The following NFKB2 variants were observed in gnomAD, a reference collection of about 807,000 sequenced individuals.
NFKB2 encodes nuclear factor NF-kappa-B p100 subunit.
A neutral mutation model predicts 109.3 loss-of-function variants in NFKB2; 21 were observed. The ratio of observed to expected loss-of-function variants is 0.19; its 90% CI spans 0.14 to 0.28. NFKB2 has a LOEUF of 0.28. Among genes scored for constraint, NFKB2 ranks in the 10% least tolerant of loss-of-function variants. The probability of loss-of-function intolerance (pLI) is 1.00; values close to 1 mark genes in which losing one functional copy is unlikely to be tolerated. For synonymous variants in NFKB2, 478 were observed against 489.9 expected (o/e 0.98, Z 0.32); for missense variants, 806 against 1,185.3 (o/e 0.68, Z 4.70).
At chr10:102,394,190 G>A (rs565010281), upstream of NFKB2, 5 of 152,408 alleles carry the variant, frequency 3.3e-5, no homozygotes, top group East Asian at 9.6e-4. Context: ...TTCCCCCTGG[G>A]GATCCCCCGC....
Position 102,396,067 on chromosome 10 carries a change from C to A in NFKB2, c.21+87C>A. On this transcript the variant is annotated intron_variant, in intron 2 of 22. Transcript: ENST00000661543. This position sits in a 1 kb window ranked among gnomAD's most constrained non-coding sequence, Gnocchi z 5.9. ...CCCGAGCCCCCTCTGCTGCCTTACA[C>A]CTGTATGCTCGCAGATGCTCTCAGC... is the stretch of plus-strand genomic sequence containing the variant. 6.4e-7 allele frequency: 1 copy of A among 1,557,902 alleles called. No individual in the cohort carries two copies. Among genetic ancestry groups the A allele is most frequent in the Non-Finnish European group, 8.8e-7 (1 of 1,133,916 alleles).
In NFKB2 at chr10:102,396,840, C is replaced by T; in HGVS notation, c.243+17C>T. ...ACTGTCAAGGTGAGCCAGGATGGTG[C>T]TGGAGGGTGGGCTAAGTGGACAGCA... On this transcript the variant is annotated intron_variant, in intron 5 of 22. Coordinates refer to ENST00000661543, the MANE Select transcript of NFKB2 (RefSeq NM_001322934.2). The surrounding 1 kb of genome is among the most constrained non-coding windows in gnomAD (Gnocchi z 5.9). 3 of 1,606,446 alleles carry T rather than the reference C, an allele frequency of 1.9e-6. No individual in the cohort carries two copies. Among genetic ancestry groups the T allele is most frequent in the Middle Eastern group, 1.7e-4 (1 of 6,036 alleles).
Position 102,402,094 on chromosome 10 carries a change from T to C in NFKB2, c.2513T>C (p.Met838Thr). 6.3e-7 allele frequency: 1 copy of C among 1,578,402 alleles called. No homozygotes were observed. The highest frequency in any genetic ancestry group is 8.6e-7 in the Non-Finnish European group (1 of 1,161,676). Residue 838 changes from methionine to threonine, a missense_variant, in exon 22 of 23, where the codon ATG becomes ACG. Around this residue, in one of 10 missense-constraint regions of NFKB2, gnomAD observed 211 missense variants for 268.7 expected, o/e 0.79. Transcript: ENST00000661543. ...GGTCTACTGGAGGCCCTGTCTGACA[T>C]GGGCCTAGAGGAGGGAGTGAGGCTG... ...LAGLLEALSD[M>T]GLEEGVRLLR... is the part of the protein sequence containing the mutation.
chr10:102,398,609 A>T lies in NFKB2; in HGVS notation c.991+86A>T. The T allele has an allele frequency of 6.2e-7, 1 of 1,610,144 alleles. No homozygotes were observed. The highest frequency in any genetic ancestry group is 1.1e-5 in the South Asian group (1 of 90,726). ...TCCCAAGAGCTAGATGTGGGGATGC[A>T]TGAGCCAAGTCAGAAGTGCGAGGGT... On this transcript the variant is annotated intron_variant, in intron 11 of 22. Coordinates refer to ENST00000661543, the MANE Select transcript of NFKB2 (RefSeq NM_001322934.2). This position sits in a 1 kb window ranked among gnomAD's most constrained non-coding sequence, Gnocchi z 6.6.
In NFKB2 at chr10:102,401,313, C is replaced by T. The variant is rs2061240745; in HGVS notation, c.2205C>T (p.Asp735=). 4 of 1,607,778 alleles carry T rather than the reference C, an allele frequency of 2.5e-6. No individual in the cohort carries two copies. Among genetic ancestry groups the T allele is most frequent in the Admixed American group, 1.7e-5 (1 of 59,510 alleles). The change falls in exon 19 of 23, where the codon GAC becomes GAT. Residue 735 remains aspartate, a synonymous_variant. Coordinates refer to ENST00000661543, the MANE Select transcript of NFKB2 (RefSeq NM_001322934.2). This position sits in a 1 kb window ranked among gnomAD's most constrained non-coding sequence, Gnocchi z 4.2. ...RSSFRGHTPL[D]LTCSTKVKTL... is the part of the protein sequence containing the mutation. ...GCTTCCGGGGCCACACGCCTCTTGA[C>T]CTCACTTGCAGCACCAAGGTGAGGC... is the stretch of plus-strand genomic sequence containing the variant.
Position 102,400,250 on chromosome 10 carries a change from G to C in NFKB2, c.1585-28G>C. On this transcript the variant is annotated intron_variant, in intron 15 of 22. Coordinates refer to ENST00000661543, the MANE Select transcript of NFKB2 (RefSeq NM_001322934.2). The surrounding 1 kb of genome is among the most constrained non-coding windows in gnomAD (Gnocchi z 6.3). ...GGGTTGGAAGGCAAGTGGGTCTCGG[G>C]CCTGGCTCACCCTGCTTTCATCCCC... 1.9e-6 allele frequency: 3 copies of C among 1,613,986 alleles called. No individual in the cohort carries two copies. The highest frequency in any genetic ancestry group is 2.5e-6 in the Non-Finnish European group (3 of 1,179,992).
Position 102,401,214 on chromosome 10 carries a change from G to A in NFKB2, c.2106G>A (p.Leu702=), listed in dbSNP as rs765756267. The part of the protein sequence containing the change: ...ADIHAENEEP[L]CPLPSPPTSD... ...TCCATGCTGAAAACGAGGAGCCCCTGTGCCCACTGCCTTCACCCCCTACCT... is the reference window on the plus strand; with the variant it reads ...TCCATGCTGAAAACGAGGAGCCCCTATGCCCACTGCCTTCACCCCCTACCT... The change falls in exon 19 of 23, where the codon CTG becomes CTA. Residue 702 remains leucine (L), a synonymous_variant. Coordinates refer to ENST00000661543, the MANE Select transcript of NFKB2 (RefSeq NM_001322934.2). The surrounding 1 kb of genome is among the most constrained non-coding windows in gnomAD (Gnocchi z 4.2). The A allele has an allele frequency of 1.2e-6, 2 of 1,606,084 alleles. No homozygotes were observed. The highest frequency in any genetic ancestry group is 1.1e-5 in the South Asian group (1 of 90,128).
Position 102,398,890 on chromosome 10 carries a change from G to A in NFKB2, c.1117+26G>A, listed in dbSNP as rs752957028. 8.9e-6 allele frequency: 14 copies of A among 1,578,240 alleles called. No homozygotes were observed. Among genetic ancestry groups the A allele is most frequent in the South Asian group, 3.6e-5 (3 of 84,082 alleles). On this transcript the variant is annotated intron_variant, in intron 12 of 22. Coordinates refer to ENST00000661543, the MANE Select transcript of NFKB2 (RefSeq NM_001322934.2). This position sits in a 1 kb window ranked among gnomAD's most constrained non-coding sequence, Gnocchi z 6.6. Reference sequence around the variant, plus strand: ...GTGAGGGGGTACTGATGGAGGGAGGGGTAAAGGTAAGAGAAGCTGTGGAGG... The same window carrying A: ...GTGAGGGGGTACTGATGGAGGGAGGAGTAAAGGTAAGAGAAGCTGTGGAGG...
chr10:102,395,218 CCGAGG>C (rs928032844), upstream of NFKB2, among the ~76,000 whole-genome samples: 14 of 151,562 alleles, frequency 9.2e-5, no homozygotes, highest in Admixed American at 7.9e-4. Context: ...AGAGCCCACT[CCGAGG>C]AGGAGACACT....
In NFKB2 at chr10:102,398,166, A is replaced by AGAGATTCCACCGGGAGCTGTGGCC. The variant is rs1565206770; in HGVS notation, c.767-45_767-22dup. ...GGGAAGCTCTAGGGTAAATGGCCCC[A>AGAGATTCCACCGGGAGCTGTGGCC]GAGATTCCACCGGGAGCTGTGGCCA... is the stretch of plus-strand genomic sequence containing the variant. On this transcript the variant is annotated intron_variant, in intron 9 of 22. Transcript: ENST00000661543. The surrounding 1 kb of genome is among the most constrained non-coding windows in gnomAD (Gnocchi z 6.6). 1 of 1,612,808 alleles carries AGAGATTCCACCGGGAGCTGTGGCC rather than the reference A, an allele frequency of 6.2e-7. No individual in the cohort carries two copies. Among genetic ancestry groups the AGAGATTCCACCGGGAGCTGTGGCC allele is most frequent in the East Asian group, 2.2e-5 (1 of 44,876 alleles).
At position 102,398,277 on chromosome 10, in the gene NFKB2, C is replaced by T; in HGVS notation, c.832C>T (p.Pro278Ser). Reference sequence around the variant, plus strand: ...ATGGCAGGCCTTTGGGGACTTCTCTCCCACAGATGTGCATAAACAGGTACC... The same window carrying T: ...ATGGCAGGCCTTTGGGGACTTCTCTTCCACAGATGTGCATAAACAGGTACC... ...NGWQAFGDFSPTDVHKQYAIV... is the reference protein window; with the variant it reads ...NGWQAFGDFSSTDVHKQYAIV... The change falls in exon 10 of 23, where the codon CCC becomes TCC. Residue 278 changes from proline (P) to serine (S), a missense_variant. Pro to Ser is a moderately conservative substitution (Grantham distance 74). Coordinates refer to ENST00000661543, the MANE Select transcript of NFKB2 (RefSeq NM_001322934.2). The surrounding 1 kb of genome is among the most constrained non-coding windows in gnomAD (Gnocchi z 6.6). The T allele has an allele frequency of 6.2e-7, 1 of 1,614,170 alleles. No individual in the cohort carries two copies. Among genetic ancestry groups the T allele is most frequent in the Non-Finnish European group, 8.5e-7 (1 of 1,180,024 alleles).
upstream of NFKB2, chr10:102,394,148 G>A (rs1394936827): frequency 6.6e-6 from 1 of 152,308 alleles, no homozygotes; most frequent in Non-Finnish European, 1.5e-5. Context: ...GCGCCGCTCA[G>A]GGTGGGGGCC....
chr10:102,401,127 G>A lies in NFKB2; in HGVS notation c.2072-53G>A. 13 of 1,606,448 alleles carry A rather than the reference G, an allele frequency of 8.1e-6. No homozygotes were observed. The highest frequency in any genetic ancestry group is 1.0e-5 in the Non-Finnish European group (12 of 1,174,386). ...TGCCTCCCAGTCCCCCGACTTTGCAGTCCTTAATGTAGGCCCCCACCATAC... is the reference window on the plus strand; with the variant it reads ...TGCCTCCCAGTCCCCCGACTTTGCAATCCTTAATGTAGGCCCCCACCATAC... On this transcript the variant is annotated intron_variant, in intron 18 of 22. Transcript: ENST00000661543. The surrounding 1 kb of genome is among the most constrained non-coding windows in gnomAD (Gnocchi z 4.2).
In NFKB2 at chr10:102,396,111, G is replaced by C; in HGVS notation, c.21+131G>C. 6.8e-7 allele frequency: 1 copy of C among 1,468,548 alleles called. No individual in the cohort carries two copies. Among genetic ancestry groups the C allele is most frequent in the Non-Finnish European group, 9.5e-7 (1 of 1,056,284 alleles). 91.0% of individuals were successfully genotyped at this position (1,468,548 alleles called of 1,614,324 possible). A position where few individuals can be genotyped will look rare whatever the true frequency, so the allele number is the denominator to read the frequency against. ...TCTCAGCCTGCCAGTCTGTCCATCTGTCTGCAACTCTGCCTCCAAAAGGAG... is the reference window on the plus strand; with the variant it reads ...TCTCAGCCTGCCAGTCTGTCCATCTCTCTGCAACTCTGCCTCCAAAAGGAG... On this transcript the variant is annotated intron_variant, in intron 2 of 22. Transcript: ENST00000661543. The surrounding 1 kb of genome is among the most constrained non-coding windows in gnomAD (Gnocchi z 5.9).
rs771498981 is a variant in NFKB2, at chr10:102,401,195, C to G, written c.2087C>G (p.Ala696Gly). Reference sequence around the variant, plus strand: ...CCTCTCCCAGGTGCTGACATCCATGCTGAAAACGAGGAGCCCCTGTGCCCA... The same window carrying G: ...CCTCTCCCAGGTGCTGACATCCATGGTGAAAACGAGGAGCCCCTGTGCCCA... ...LLLKAGADIH[A>G]ENEEPLCPLP... The change falls in exon 19 of 23, where the codon GCT (alanine) becomes GGT (glycine). Residue 696 changes from alanine (A) to glycine (G), a missense_variant. By Grantham distance (60) the Ala-to-Gly change is moderately conservative (BLOSUM62 0). Around this residue, in one of 10 missense-constraint regions of NFKB2, gnomAD observed 211 missense variants for 268.7 expected, o/e 0.79. Coordinates refer to ENST00000661543, the MANE Select transcript of NFKB2 (RefSeq NM_001322934.2). This position sits in a 1 kb window ranked among gnomAD's most constrained non-coding sequence, Gnocchi z 4.2. The G allele has an allele frequency of 6.3e-7, 1 of 1,593,524 alleles. No individual in the cohort carries two copies.
Position 102,398,078 on chromosome 10 carries a change from G to A in NFKB2, c.759G>A (p.Val253=). 6.2e-7 allele frequency: 1 copy of A among 1,614,174 alleles called. No homozygotes were observed. Among genetic ancestry groups the A allele is most frequent in the South Asian group, 1.1e-5 (1 of 91,092 alleles). ...GDEVYLLCDK[V]QKDDIEVRFY... ...AAGTTTATCTGCTTTGTGACAAGGT[G>A]CAGAAAGGTGAGACTGGAGCCCACT... The change falls in exon 9 of 23, where the codon GTG becomes GTA. Residue 253 remains valine, a synonymous_variant. Transcript: ENST00000661543. This position sits in a 1 kb window ranked among gnomAD's most constrained non-coding sequence, Gnocchi z 6.6.
chr10:102,399,972 G>T, intron 14 of NFKB2, 108 bp from the exon 15 acceptor site: 1 of 1,218,912 alleles, frequency 8.2e-7, no homozygotes, highest in Non-Finnish European at 1.2e-6. Flanking sequence ...CCTGGGCCAC[G>T]TGCTGGGTTC....
chr10:102,395,376 G>A (rs986956632), upstream of NFKB2, among the ~76,000 whole-genome samples: 2 of 152,156 alleles, frequency 1.3e-5, no homozygotes, highest in African/African-American at 2.4e-5. Context: ...TTTATCAGCC[G>A]TGGCCTCCCT....
rs1318531836 is a variant in NFKB2, at chr10:102,398,321, C to T, written c.852+24C>T. 2 of 1,614,068 alleles carry T rather than the reference C, an allele frequency of 1.2e-6. No homozygotes were observed. The highest frequency in any genetic ancestry group is 1.7e-5 in the Admixed American group (1 of 60,008). On this transcript the variant is annotated intron_variant, in intron 10 of 22. Transcript: ENST00000661543. This position sits in a 1 kb window ranked among gnomAD's most constrained non-coding sequence, Gnocchi z 6.6. Reference sequence around the variant, plus strand: ...AGGTACCCAGGGCTAGGGCCCGGGCCCGGGCTGGGGGCTAAATTAGGCTAA... The same window carrying T: ...AGGTACCCAGGGCTAGGGCCCGGGCTCGGGCTGGGGGCTAAATTAGGCTAA...
Sources: allele counts gnomAD v4.1 joint callset (sites outside exome capture counted in the v4.1 genomes callset), GRCh38; gene constraint gnomAD v4.1.1; regional missense constraint gnomAD v4.1.1; non-coding constraint Gnocchi (gnomAD v3.1); transcripts MANE v1.5; gene names NCBI Gene and HGNC (gene_info 2026-07-23, HGNC 2026-07-21).